Variants in ZNF551 observed in about 807,000 individuals in gnomAD.
ZNF551 encodes the protein zinc finger protein 551, also known as KOX 23 protein (56 AA).
ZNF551 carries 5 observed loss-of-function variants against 7.9 expected under a neutral mutation model. The observed-to-expected ratio is 0.63, with a 90% CI of 0.33 to 1.33. The LOEUF (loss-of-function observed/expected upper bound fraction) is 1.33, where lower values mean the gene tolerates loss of function less well. Ranked by LOEUF, ZNF551 falls within the 40% of genes most tolerant of loss-of-function variation. The probability of loss-of-function intolerance (pLI) is 0.05; values close to 1 mark genes in which losing one functional copy is unlikely to be tolerated. For synonymous variants in ZNF551, 287 were observed against 277.3 expected (o/e 1.03, Z -0.35); for missense variants, 788 against 825.2 (o/e 0.95, Z 0.55).
intron 1 of ZNF551, among the ~76,000 whole-genome samples, chr19:57,684,261 C>T (rs1057507094): frequency 2.6e-5 from 4 of 152,144 alleles, no homozygotes; most frequent in African/African-American, 9.7e-5. Context: ...TCTCTGGGCC[C>T]CATATGCTGA....
rs1334415065 is a variant in ZNF551 at position 57,686,478 on chromosome 19, C to T, written c.206-3C>T. The stretch of plus-strand genomic sequence containing the variant: ...CATTTCATCAGCATTTCTCTGCTTT[C>T]AGGTTATTGCCATGGAATGGAGAAT... On this transcript the variant is annotated splice_region_variant and splice_polypyrimidine_tract_variant and intron_variant, in intron 2 of 2. Transcript: ENST00000282296. 10 of 1,598,324 alleles carry T rather than the reference C, an allele frequency of 6.3e-6. No individual in the cohort carries two copies. Among genetic ancestry groups the T allele is most frequent in the Non-Finnish European group, 8.6e-6 (10 of 1,168,030 alleles).
intron 1 of ZNF551, among the ~76,000 whole-genome samples, chr19:57,683,504 G>A (rs1427646340): frequency 1.3e-5 from 2 of 152,206 alleles, no homozygotes; most frequent in African/African-American, 2.4e-5. Context: ...TTCATGGGCT[G>A]CTGGAACTGT....
Position 57,686,491 on chromosome 19 carries a change from T to C in ZNF551, c.216T>C (p.His72=), listed in dbSNP as rs751416191. 5.0e-6 allele frequency: 8 copies of C among 1,601,708 alleles called. No individual in the cohort carries two copies. In the Admixed American group the frequency reaches 1.2e-4, roughly 24 times the overall value. The change falls in exon 3 of 3, where the codon CAT becomes CAC. Residue 72 remains histidine, a synonymous_variant. Transcript: ENST00000282296. ...TTTCTCTGCTTTCAGGTTATTGCCA[T>C]GGAATGGAGAATGAGGCGATAGCTT... ...FAHVTSLGYC[H]GMENEAIASE...
rs559289552 is a variant in ZNF551 at position 57,690,560 on chromosome 19, T to G, written c.*2272T>G. 1.3e-5 allele frequency: 2 copies of G among 152,352 alleles called. No individual in the cohort carries two copies. The highest frequency in any genetic ancestry group is 2.1e-4 in the South Asian group (1 of 4,832). 9.4% of individuals were successfully genotyped at this position (152,352 alleles called of 1,614,324 possible). A position where few individuals can be genotyped will look rare whatever the true frequency, so the allele number is the denominator to read the frequency against. On this transcript the variant is annotated 3_prime_UTR_variant, in exon 3 of 3. Transcript: ENST00000282296. ...GCTGAGTATCATGCTGTTCTATGGA[T>G]AAGTCAGTGTTTATCCATGTGTTTA...
chr19:57,686,432 C>T, intron 2 of ZNF551, 49 bp from the exon 3 acceptor site: 1 of 1,579,698 alleles, frequency 6.3e-7, no homozygotes, highest in Non-Finnish European at 8.6e-7. Flanking sequence ...ACATCTTTCT[C>T]CTTCCATGAA....
Position 57,687,858 on chromosome 19 carries a change from C to T in ZNF551, c.1583C>T (p.Thr528Ile), listed in dbSNP as rs574992715. 1.2e-6 allele frequency: 2 copies of T among 1,613,298 alleles called. No homozygotes were observed. Among genetic ancestry groups the T allele is most frequent in the South Asian group, 2.2e-5 (2 of 91,052 alleles). Reference sequence around the variant, plus strand: ...CAACACCGGAGAATTCATACTGGCACAAGACCTTATGAGTGCAGTGAATGT... The same window carrying T: ...CAACACCGGAGAATTCATACTGGCATAAGACCTTATGAGTGCAGTGAATGT... Reference protein sequence around the residue: ...LIQHRRIHTGTRPYECSECGK... With the variant: ...LIQHRRIHTGIRPYECSECGK... Residue 528 changes from threonine to isoleucine, a missense_variant, in exon 3 of 3, where the codon ACA (threonine) becomes ATA (isoleucine). Physicochemically the swap from Thr to Ile is moderately conservative, Grantham distance 89. Coordinates refer to ENST00000282296, the MANE Select transcript of ZNF551 (RefSeq NM_138347.5).
In ZNF551 at chr19:57,686,706, G is replaced by T. The variant is rs1984566968; in HGVS notation, c.431G>T (p.Ser144Ile). ...ACAAGCATGAGAGGCTTCTGCTTCAGTGCTGACCTTCACCAGCATCAAAAG... is the reference window on the plus strand; with the variant it reads ...ACAAGCATGAGAGGCTTCTGCTTCATTGCTGACCTTCACCAGCATCAAAAG... The part of the protein sequence containing the change: ...GSTSMRGFCF[S>I]ADLHQHQKHY... Residue 144 changes from serine to isoleucine, a missense_variant, in exon 3 of 3, where the codon AGT becomes ATT. Transcript: ENST00000282296. 1.2e-6 allele frequency: 2 copies of T among 1,614,208 alleles called. No individual in the cohort carries two copies. The highest frequency in any genetic ancestry group is 1.7e-6 in the Non-Finnish European group (2 of 1,180,046).
chr19:57,686,321 TA>T (rs1240717338), intron 2 of ZNF551, among the ~76,000 whole-genome samples, 159 bp from the exon 3 acceptor site: 1 of 152,160 alleles, frequency 6.6e-6, no homozygotes, highest in African/African-American at 2.4e-5. Context: ...TCTAAAATCT[TA>T]AAAAACCCAG....
chr19:57,687,772 A>T lies in ZNF551; in HGVS notation c.1497A>T (p.Gly499=). Residue 499 remains glycine (G), a synonymous_variant, in exon 3 of 3, where the codon GGA becomes GGT. Coordinates refer to ENST00000282296, the MANE Select transcript of ZNF551 (RefSeq NM_138347.5). ...ILIQHQRVHT[G]ERPYECSECG... Reference sequence around the variant, plus strand: ...TTCAACACCAAAGAGTTCACACTGGAGAAAGACCTTATGAATGCAGTGAAT... The same window carrying T: ...TTCAACACCAAAGAGTTCACACTGGTGAAAGACCTTATGAATGCAGTGAAT... The T allele has an allele frequency of 6.2e-7, 1 of 1,614,234 alleles. No homozygotes were observed. The highest frequency in any genetic ancestry group is 8.5e-7 in the Non-Finnish European group (1 of 1,180,048).
Position 57,688,147 on chromosome 19 carries a change from T to C in ZNF551, c.1872T>C (p.Phe624=). 6.2e-7 allele frequency: 1 copy of C among 1,614,020 alleles called. No homozygotes were observed. Among genetic ancestry groups the C allele is most frequent in the Non-Finnish European group, 8.5e-7 (1 of 1,179,984 alleles). The stretch of plus-strand genomic sequence containing the variant: ...AGTGCAGTCAATGTGGGAAACCCTT[T>C]ACCCACAAATCAGACCTTATTCAGC... ...PYECSQCGKP[F]THKSDLIQHQ... Residue 624 remains phenylalanine (F), a synonymous_variant, in exon 3 of 3, where the codon TTT becomes TTC. Coordinates refer to ENST00000282296, the MANE Select transcript of ZNF551 (RefSeq NM_138347.5).
In ZNF551 at chr19:57,690,392, C is replaced by G. The variant is rs1036921688; in HGVS notation, c.*2104C>G. ...ATACATACACACACACACACACACACACACACACACGTATACGCATATACG... is the reference window on the plus strand; with the variant it reads ...ATACATACACACACACACACACACAGACACACACACGTATACGCATATACG... On this transcript the variant is annotated 3_prime_UTR_variant, in exon 3 of 3. Transcript: ENST00000282296. The G allele has an allele frequency of 5.3e-5, 8 of 151,824 alleles. No individual in the cohort carries two copies. The highest frequency in any genetic ancestry group is 1.5e-4 in the African/African-American group (6 of 41,302). 9.4% of individuals were successfully genotyped at this position (151,824 alleles called of 1,614,324 possible).
Position 57,688,298 on chromosome 19 carries a change from G to A in ZNF551, c.*10G>A, listed in dbSNP as rs915442401. 4 of 1,611,090 alleles carry A rather than the reference G, an allele frequency of 2.5e-6. No individual in the cohort carries two copies. Among genetic ancestry groups the A allele is most frequent in the Non-Finnish European group, 3.4e-6 (4 of 1,177,954 alleles). Reference sequence around the variant, plus strand: ...TGAAGAAAGGCCTTAAATGTGAAGGGAATGTGCTATTTCTTTATTCAGTAT... The same window carrying A: ...TGAAGAAAGGCCTTAAATGTGAAGGAAATGTGCTATTTCTTTATTCAGTAT... On this transcript the variant is annotated 3_prime_UTR_variant, in exon 3 of 3. Coordinates refer to ENST00000282296, the MANE Select transcript of ZNF551 (RefSeq NM_138347.5).
chr19:57,690,105 C>G lies in ZNF551; in HGVS notation c.*1817C>G, dbSNP rs1984716429. ...ACCCTGATTAAAAAAAAAGGAACAT[C>G]TAGGCTCTTAATTTTGAGCCACTTT... On this transcript the variant is annotated 3_prime_UTR_variant, in exon 3 of 3. Transcript: ENST00000282296. 6.6e-6 allele frequency: 1 copy of G among 152,094 alleles called. No individual in the cohort carries two copies. The highest frequency in any genetic ancestry group is 2.4e-5 in the African/African-American group (1 of 41,430). The allele number at this position is 152,094 out of a possible 1,614,324, so 9.4% of individuals were successfully genotyped here. A position where few individuals can be genotyped will look rare whatever the true frequency, so the allele number is the denominator to read the frequency against.
chr19:57,684,914 A>G (rs1260490575), intron 1 of ZNF551, among the ~76,000 whole-genome samples: 1 of 152,180 alleles, frequency 6.6e-6, no homozygotes, highest in Non-Finnish European at 1.5e-5. Context: ...GTGTCTTGGA[A>G]GATCAATCTT....
chr19:57,686,214 T>C (rs1984548291), intron 2 of ZNF551, among the ~76,000 whole-genome samples: 1 of 152,214 alleles, frequency 6.6e-6, no homozygotes, highest in Non-Finnish European at 1.5e-5. Context: ...GCAGACAAAG[T>C]CCTGCTGAGG....
At chr19:57,684,859 G>A (rs368553453) in intron 1 of ZNF551, among the ~76,000 whole-genome samples, 2 of 152,288 alleles carry the variant, frequency 1.3e-5, no homozygotes, top group Admixed American at 6.5e-5. Flanking sequence ...AGGGCCATAT[G>A]GGTGAACGGG....
Position 57,687,163 on chromosome 19 carries a change from A to G in ZNF551, c.888A>G (p.Leu296=). 1 of 1,614,252 alleles carries G rather than the reference A, an allele frequency of 6.2e-7. No individual in the cohort carries two copies. The highest frequency in any genetic ancestry group is 8.5e-7 in the Non-Finnish European group (1 of 1,180,042). ...TTAGCAAAAAGTGCCACCTAATCTT[A>G]CACAAGATAATTCACACTGGAGAAA... is the stretch of plus-strand genomic sequence containing the variant. ...ESFSKKCHLI[L]HKIIHTGERP... The change falls in exon 3 of 3, where the codon TTA becomes TTG. Residue 296 remains leucine (L), a synonymous_variant. Coordinates refer to ENST00000282296, the MANE Select transcript of ZNF551 (RefSeq NM_138347.5).
rs1019723851 is a variant in ZNF551 at position 57,690,648 on chromosome 19, A to G, written c.*2360A>G. ...AAATAAAGCTGCTGTAAATACTTGA[A>G]TTCATTTCTTTATATGGATATGTGT... On this transcript the variant is annotated 3_prime_UTR_variant, in exon 3 of 3. Coordinates refer to ENST00000282296, the MANE Select transcript of ZNF551 (RefSeq NM_138347.5). The G allele has an allele frequency of 5.3e-5, 8 of 151,676 alleles. No homozygotes were observed. The highest frequency in any genetic ancestry group is 2.0e-4 in the Admixed American group (3 of 15,232). The allele number at this position is 151,676 out of a possible 1,614,324, so 9.4% of individuals were successfully genotyped here.
chr19:57,683,926 G>C (rs906010256), intron 1 of ZNF551, among the ~76,000 whole-genome samples: 3 of 152,154 alleles, frequency 2.0e-5, no homozygotes, highest in Non-Finnish European at 4.4e-5. Flanking sequence ...GGAAGTTTCA[G>C]TCAGGCTGTC....
Sources: allele counts gnomAD v4.1 joint callset (sites outside exome capture counted in the v4.1 genomes callset), GRCh38; gene constraint gnomAD v4.1.1; transcripts MANE v1.5; gene names NCBI Gene and HGNC (gene_info 2026-07-23, HGNC 2026-07-21).